The following CPXM2 variants were observed in gnomAD, a reference collection of about 807,000 sequenced individuals.
The protein encoded by CPXM2 is carboxypeptidase X, M14 family member 2, also known as inactive carboxypeptidase-like protein X2.
A neutral mutation model predicts 86.1 loss-of-function variants in CPXM2; 66 were observed. That is an observed-to-expected ratio of 0.77 (90% confidence interval 0.63 to 0.94). The LOEUF is 0.94. Among genes scored for constraint, CPXM2 ranks in the 40% least tolerant of loss-of-function variants. CPXM2 has a pLI of 0.00. For missense variants in CPXM2, 948 were observed against 1,026.3 expected (o/e 0.92, Z 1.04); for synonymous variants, 388 against 400.2 (o/e 0.97, Z 0.36).
At position 123,891,420 on chromosome 10, in the gene CPXM2, C is replaced by A; in HGVS notation, c.240G>T (p.Lys80Asn). Residue 80 changes from lysine (K) to asparagine (N), a missense_variant, in exon 1 of 14, where the codon AAG becomes AAT. Lys to Asn is a moderately conservative substitution (Grantham distance 94). Coordinates refer to ENST00000241305, the MANE Select transcript of CPXM2 (RefSeq NM_198148.3). The surrounding 1 kb of genome is among the most constrained non-coding windows in gnomAD (Gnocchi z 5.6). ...ERRPQEPRPP[K>N]RATKPKKAPK... The stretch of plus-strand genomic sequence containing the variant: ...GAGCTTTCTTGGGCTTGGTGGCCCT[C>A]TTGGGCGGCCTGGGCTCCTGCGGGC... The A allele has an allele frequency of 6.4e-7, 1 of 1,560,828 alleles. No individual in the cohort carries two copies. Among genetic ancestry groups the A allele is most frequent in the Non-Finnish European group, 8.7e-7 (1 of 1,152,276 alleles).
chr10:123,786,481 C>T (rs919681811), intron 6 of CPXM2, among the ~76,000 whole-genome samples: 4 of 152,146 alleles, frequency 2.6e-5, no homozygotes, highest in African/African-American at 7.2e-5. Context: ...CCATACCTGA[C>T]GGCAAACAAT....
In CPXM2 at chr10:123,876,838, A is replaced by G. The variant is rs532406820; in HGVS notation, c.403+3373T>C. ...CTGTGTGCTACACTGTGCAGACATT[A>G]TTTAATCTTCACAATATGCCTATAA... On this transcript the variant is annotated intron_variant, in intron 2 of 13. Coordinates refer to ENST00000241305, the MANE Select transcript of CPXM2 (RefSeq NM_198148.3). Among the ~76,000 whole-genome samples the G allele has an allele frequency of 2.0e-5, 3 of 152,352 alleles. No individual in the cohort carries two copies. In the East Asian group the frequency reaches 5.8e-4, roughly 29 times the overall value.
intron 1 of CPXM2, among the ~76,000 whole-genome samples, chr10:123,886,531 C>G (rs916654122): frequency 2.0e-5 from 3 of 152,188 alleles, no homozygotes; most frequent in African/African-American, 4.8e-5. Context: ...AGCACAGACA[C>G]ACAAACAAAC....
At chr10:123,836,889 C>A (rs912158250) in intron 4 of CPXM2, among the ~76,000 whole-genome samples, 97 of 151,742 alleles carry the variant, frequency 6.4e-4, no homozygotes, top group Non-Finnish European at 1.2e-3. Context: ...ATCTTCCCCC[C>A]AGGTGAGGTC....
At chr10:123,760,184 C>T (rs1420415145) in intron 11 of CPXM2, among the ~76,000 whole-genome samples, 2 of 152,166 alleles carry the variant, frequency 1.3e-5, no homozygotes, top group South Asian at 2.1e-4. Flanking sequence ...CAGCCAACTT[C>T]GCAAAATGTT....
chr10:123,870,410 G>A (rs1944873463), intron 2 of CPXM2, among the ~76,000 whole-genome samples: 1 of 152,170 alleles, frequency 6.6e-6, no homozygotes, highest in African/African-American at 2.4e-5. Context: ...CGTGGTGGGC[G>A]CTGCCAAGAA....
intron 3 of CPXM2, among the ~76,000 whole-genome samples, chr10:123,858,254 G>A (rs1425085697): frequency 1.3e-5 from 2 of 152,340 alleles, no homozygotes; most frequent in Admixed American, 1.3e-4. Flanking sequence ...CTTAAGCACT[G>A]CAGCCACTAC....
chr10:123,862,483 A>C (rs1848871572), intron 3 of CPXM2, 131 bp downstream of exon 3: 2 of 779,350 alleles, frequency 2.6e-6, no homozygotes, highest in Non-Finnish European at 4.3e-6. Context: ...AGGATCATTC[A>C]GCAATATCCT....
At chr10:123,867,667 G>A (rs1944818576) in intron 2 of CPXM2, among the ~76,000 whole-genome samples, 1 of 151,676 alleles carries the variant, frequency 6.6e-6, no homozygotes, top group African/African-American at 2.4e-5. Flanking sequence ...CAAGTAGCTG[G>A]GATTATAGGC....
rs373189358 is a variant in CPXM2, at chr10:123,848,141, CA to C, written c.514-5654del. Among the ~76,000 whole-genome samples the C allele has an allele frequency of 3.6e-4, 55 of 152,326 alleles. No homozygotes were observed. The East Asian group carries it at 8.9e-3, about 25-fold the overall frequency. On this transcript the variant is annotated intron_variant, in intron 3 of 13. Transcript: ENST00000241305. ...GATTATCAGCAAGTTAATGCCTTTT[CA>C]GGGGGAGGTTATCTAAAAAACGTTA...
intron 4 of CPXM2, among the ~76,000 whole-genome samples, chr10:123,839,961 T>C (rs770998032): frequency 1.3e-5 from 2 of 152,222 alleles, no homozygotes; most frequent in Non-Finnish European, 2.9e-5. Flanking sequence ...CTGTCTGAGC[T>C]GAGGAAAGAT....
chr10:123,912,162 T>C (rs960329082), intron 2 of CPXM2, among the ~76,000 whole-genome samples: 8 of 151,956 alleles, frequency 5.3e-5, no homozygotes, highest in Admixed American at 1.3e-4. Flanking sequence ...CGGTTTCAGG[T>C]GTTTTCTCTT....
chr10:123,825,007 A>G (rs1171713982), intron 4 of CPXM2, among the ~76,000 whole-genome samples: 1 of 152,188 alleles, frequency 6.6e-6, no homozygotes, highest in African/African-American at 2.4e-5. Context: ...CTCTCAAATC[A>G]AAATTACCCA....
intron 2 of CPXM2, among the ~76,000 whole-genome samples, chr10:123,905,032 C>T (rs1189431616): frequency 7.0e-6 from 1 of 142,168 alleles, no homozygotes; most frequent in Non-Finnish European, 1.5e-5. Flanking sequence ...CTGGAAAATG[C>T]GTGAAGACAA....
intron 4 of CPXM2, among the ~76,000 whole-genome samples, chr10:123,834,559 G>A (rs970081602): frequency 6.6e-6 from 1 of 152,234 alleles, no homozygotes; most frequent in Non-Finnish European, 1.5e-5. Flanking sequence ...CAGGGCAGCA[G>A]CAGGCCTGGT....
intron 6 of CPXM2, among the ~76,000 whole-genome samples, chr10:123,780,825 C>G (rs550107266): frequency 6.6e-5 from 10 of 152,252 alleles, no homozygotes; most frequent in Non-Finnish European, 1.3e-4. Flanking sequence ...GTCCCCAGCT[C>G]CAGGGCTCCA....
intron 3 of CPXM2, among the ~76,000 whole-genome samples, chr10:123,861,895 T>C (rs1848855786): frequency 6.6e-6 from 1 of 152,166 alleles, no homozygotes; most frequent in South Asian, 2.1e-4. Flanking sequence ...ATGGATCAGA[T>C]GGGATTCATG....
In CPXM2 at chr10:123,854,374, AAT is replaced by A. The variant is rs1325822716; in HGVS notation, c.513+8238_513+8239del. On this transcript the variant is annotated intron_variant, in intron 3 of 13. Coordinates refer to ENST00000241305, the MANE Select transcript of CPXM2 (RefSeq NM_198148.3). ...TATATATATAAAAATATATATATAT[AAT>A]ATATATATAATATATATATTATATA... Among the ~76,000 whole-genome samples the A allele has an allele frequency of 2.5e-4, 21 of 83,084 alleles. 1 individual carries two copies. The South Asian group carries it at 3.9e-3, about 16-fold the overall frequency. 54.5% of individuals were successfully genotyped at this position (83,084 alleles called of 152,430 possible).
At chr10:123,803,882 G>A (rs547200137) in intron 4 of CPXM2, among the ~76,000 whole-genome samples, 5 of 152,086 alleles carry the variant, frequency 3.3e-5, no homozygotes, top group African/African-American at 4.8e-5. Flanking sequence ...AGATGGTCTC[G>A]ATGTCCTGAC....
Sources: allele counts gnomAD v4.1 joint callset (sites outside exome capture counted in the v4.1 genomes callset), GRCh38; gene constraint gnomAD v4.1.1; non-coding constraint Gnocchi (gnomAD v3.1); transcripts MANE v1.5; gene names NCBI Gene and HGNC (gene_info 2026-07-23, HGNC 2026-07-21).